The following DISC1 variants were observed in gnomAD, a reference collection of about 807,000 sequenced individuals.
The protein encoded by DISC1 is DISC1 scaffold protein, also known as disrupted in schizophrenia 1 protein.
In DISC1, 57 loss-of-function variants were observed where a neutral mutation model predicts 84.5. The observed-to-expected ratio is 0.67, with a 90% CI of 0.55 to 0.84. DISC1 has a LOEUF of 0.84. Ranked by LOEUF, DISC1 falls within the 40% of genes least tolerant of loss-of-function variation. DISC1 has a pLI of 0.00. For synonymous variants in DISC1, 411 were observed against 415.2 expected (o/e 0.99, Z 0.12); for missense variants, 1,000 against 1,057.8 (o/e 0.95, Z 0.76).
At chr1:231,733,721 TG>T in intron 3 of DISC1, among the ~76,000 whole-genome samples, 1 of 123,868 alleles carries the variant, frequency 8.1e-6, no homozygotes, top group East Asian at 2.7e-4. Context: ...GTAGTGGTGG[TG>T]GTGGTGATTG....
intron 8 of DISC1, among the ~76,000 whole-genome samples, chr1:231,807,622 C>G (rs887381960): frequency 6.6e-6 from 1 of 152,174 alleles, no homozygotes; most frequent in Admixed American, 6.5e-5. Flanking sequence ...GTTTTAAGCC[C>G]CGGTCCTCCT....
chr1:231,767,549 A>T (rs1030544578), intron 5 of DISC1, among the ~76,000 whole-genome samples: 1 of 152,180 alleles, frequency 6.6e-6, no homozygotes, highest in Non-Finnish European at 1.5e-5. Flanking sequence ...CTCCTGCCTC[A>T]GTCTTCCAAA....
intron 5 of DISC1, among the ~76,000 whole-genome samples, chr1:231,769,448 GAC>G (rs1361405030): frequency 6.6e-6 from 1 of 152,194 alleles, no homozygotes; most frequent in Non-Finnish European, 1.5e-5. Context: ...AGGAAATTCT[GAC>G]ACACGCTACA....
At chr1:232,024,625 C>G (rs1187229155) in intron 11 of DISC1, among the ~76,000 whole-genome samples, 1 of 151,458 alleles carries the variant, frequency 6.6e-6, no homozygotes, top group African/African-American at 2.4e-5. Context: ...CAGCGTCTTG[C>G]TCTGTTGTCC....
chr1:232,006,047 C>T (rs1667385363), intron 10 of DISC1, among the ~76,000 whole-genome samples: 1 of 152,194 alleles, frequency 6.6e-6, no homozygotes, highest in African/African-American at 2.4e-5. Context: ...GGGATATGTA[C>T]TCCCAACTAG....
intron 9 of DISC1, among the ~76,000 whole-genome samples, chr1:231,948,127 A>T (rs1335941673): frequency 6.6e-6 from 1 of 152,194 alleles, no homozygotes. Context: ...TTGTACTATA[A>T]TCATTCTATG....
intron 9 of DISC1, among the ~76,000 whole-genome samples, chr1:231,953,169 T>A (rs1423523302): frequency 6.6e-6 from 1 of 152,232 alleles, no homozygotes. Flanking sequence ...CAAAAGAAAG[T>A]GCTCAGTAAA....
rs114273325 is a variant in DISC1, at chr1:231,731,933, A to T, written c.1118-17993A>T. ...TAGATCTAGTTTCACTGTCTCTTTC[A>T]CTGTCAAGGAGACTGAGTCTTAGAG... On this transcript the variant is annotated intron_variant, in intron 3 of 12. Transcript: ENST00000439617. Among the ~76,000 whole-genome samples, 536 of 152,310 alleles carry T rather than the reference A, an allele frequency of 3.5e-3. 4 individuals are homozygous for T. The highest frequency in any genetic ancestry group is 0.012 in the African/African-American group (493 of 41,570).
At chr1:231,726,663 C>A (rs1010664202) in intron 3 of DISC1, among the ~76,000 whole-genome samples, 1 of 152,150 alleles carries the variant, frequency 6.6e-6, no homozygotes, top group Non-Finnish European at 1.5e-5. Context: ...CAACAGGGGC[C>A]AGTTCTTATA....
At chr1:231,848,101 C>A (rs1418362762) in intron 9 of DISC1, among the ~76,000 whole-genome samples, 1 of 152,098 alleles carries the variant, frequency 6.6e-6, no homozygotes, top group African/African-American at 2.4e-5. Flanking sequence ...TGACTCCAGG[C>A]CTGTCTGTGA....
At chr1:231,802,035 G>T (rs1447148025) in intron 8 of DISC1, among the ~76,000 whole-genome samples, 2 of 151,952 alleles carry the variant, frequency 1.3e-5, no homozygotes, top group Non-Finnish European at 2.9e-5. Flanking sequence ...AGCCAGGATG[G>T]TCTCAATCTC....
At chr1:231,963,172 A>T (rs1038368318) in intron 10 of DISC1, among the ~76,000 whole-genome samples, 4 of 152,032 alleles carry the variant, frequency 2.6e-5, no homozygotes, top group African/African-American at 9.7e-5. Context: ...CTCTGCATGT[A>T]CTTGATTATC....
At chr1:231,873,548 C>A (rs1383048104) in intron 9 of DISC1, among the ~76,000 whole-genome samples, 1 of 152,154 alleles carries the variant, frequency 6.6e-6, no homozygotes, top group African/African-American at 2.4e-5. Flanking sequence ...GGTGCACTCA[C>A]AGGAGGAAAT....
At chr1:231,689,415 T>G (rs942902973) in intron 1 of DISC1, among the ~76,000 whole-genome samples, 32 of 152,134 alleles carry the variant, frequency 2.1e-4, no homozygotes, top group African/African-American at 7.2e-4. Flanking sequence ...CACTGCAACC[T>G]CCGTCTCCCA....
chr1:231,650,770 C>CT (rs1459190612), intron 1 of DISC1, among the ~76,000 whole-genome samples: 1 of 152,234 alleles, frequency 6.6e-6, no homozygotes, highest in Admixed American at 6.5e-5. Flanking sequence ...TCTTTTTACT[C>CT]TTTTTTCTCT....
chr1:231,739,761 T>C (rs1350827620), intron 3 of DISC1, among the ~76,000 whole-genome samples: 3 of 152,308 alleles, frequency 2.0e-5, no homozygotes, highest in East Asian at 3.9e-4. Context: ...ATTTGAAAGG[T>C]GAAAAAGTCT....
At chr1:231,787,649 G>A (rs1343714126) in intron 6 of DISC1, among the ~76,000 whole-genome samples, 5 of 152,342 alleles carry the variant, frequency 3.3e-5, no homozygotes, top group African/African-American at 7.2e-5. Flanking sequence ...AGGACACATT[G>A]ACATTATAGC....
intron 9 of DISC1, among the ~76,000 whole-genome samples, chr1:231,887,149 C>T (rs182291262): frequency 3.7e-4 from 57 of 152,206 alleles, no homozygotes; most frequent in African/African-American, 1.3e-3. Context: ...CGTGAGCCAC[C>T]GTGCCTGGCC....
At chr1:231,998,530 A>G (rs981047852) in intron 10 of DISC1, among the ~76,000 whole-genome samples, 3 of 152,216 alleles carry the variant, frequency 2.0e-5, no homozygotes, top group African/African-American at 7.2e-5. Context: ...AAGGATGAGA[A>G]CTAGATCGAC....
Sources: gnomAD v4.1 joint callset for allele counts (sites outside exome capture counted in the v4.1 genomes callset) on GRCh38, gnomAD v4.1.1 for gene constraint, MANE v1.5 for transcripts, NCBI Gene and HGNC (gene_info 2026-07-23, HGNC 2026-07-21) for gene names.